Variants in FGF14 observed in about 807,000 individuals in gnomAD.
FGF14 encodes fibroblast growth factor homologous factor 4.
FGF14 carries 5 observed loss-of-function variants against 25.5 expected under a neutral mutation model. The observed-to-expected ratio is 0.20, with a 90% CI of 0.10 to 0.41. The LOEUF (loss-of-function observed/expected upper bound fraction) is 0.41, where lower values mean the gene tolerates loss of function less well. Among genes scored for constraint, FGF14 ranks in the 10% least tolerant of loss-of-function variants. The probability of loss-of-function intolerance (pLI) is 1.00; values close to 1 mark genes in which losing one functional copy is unlikely to be tolerated. For synonymous variants in FGF14, 138 were observed against 118.3 expected (o/e 1.17, Z -1.08); for missense variants, 222 against 320.1 (o/e 0.69, Z 2.34).
chr13:101,897,445 C>G (rs1184048774), intron 1 of FGF14, among the ~76,000 whole-genome samples: 1 of 152,166 alleles, frequency 6.6e-6, no homozygotes, highest in African/African-American at 2.4e-5. Flanking sequence ...GAGAAGAATA[C>G]TCAGATTTCT....
chr13:102,391,468 T>G (rs983731771), intron 1 of FGF14, among the ~76,000 whole-genome samples: 1 of 152,198 alleles, frequency 6.6e-6, no homozygotes, highest in Non-Finnish European at 1.5e-5. Flanking sequence ...GAGATAATAA[T>G]AAGCAATAAT....
chr13:102,205,495 G>A (rs2049864461), intron 1 of FGF14, among the ~76,000 whole-genome samples: 1 of 152,048 alleles, frequency 6.6e-6, no homozygotes, highest in African/African-American at 2.4e-5. Context: ...ACATGTCATA[G>A]ATATTGTGCT....
At chr13:101,741,437 A>G (rs1438714456) in intron 3 of FGF14, among the ~76,000 whole-genome samples, 4 of 152,194 alleles carry the variant, frequency 2.6e-5, no homozygotes, top group Admixed American at 2.0e-4. Context: ...TTATTTCCAT[A>G]GGAAACCATT....
At chr13:101,851,674 C>T (rs1010171124) in intron 3 of FGF14, among the ~76,000 whole-genome samples, 1 of 152,112 alleles carries the variant, frequency 6.6e-6, no homozygotes, top group African/African-American at 2.4e-5. Context: ...TTTCTCTCCT[C>T]CTCCTCGTCG....
chr13:102,244,837 T>TG (rs1162919174), intron 1 of FGF14, among the ~76,000 whole-genome samples: 1 of 152,032 alleles, frequency 6.6e-6, no homozygotes, highest in Non-Finnish European at 1.5e-5. Flanking sequence ...AAGAACCACA[T>TG]GTTTCTGTTA....
intron 1 of FGF14, among the ~76,000 whole-genome samples, chr13:102,063,382 A>G (rs1352624908): frequency 1.3e-5 from 2 of 152,206 alleles, no homozygotes; most frequent in Non-Finnish European, 2.9e-5. Flanking sequence ...TGAGAGGCCA[A>G]GATGGGCAGA....
chr13:102,070,717 T>C (rs573862867), intron 1 of FGF14, among the ~76,000 whole-genome samples: 2 of 152,348 alleles, frequency 1.3e-5, no homozygotes. Context: ...GGAATTGAAC[T>C]AAACCAGTGA....
rs368293382 is a variant in FGF14 at position 101,916,366 on chromosome 13, C to A, written c.193+87G>T. ...CGGGGCCGGGGTGGGCCGGGAAAACCGAGGGAGGGAAGGAGCCTGGAGAAG... is the reference window on the plus strand; with the variant it reads ...CGGGGCCGGGGTGGGCCGGGAAAACAGAGGGAGGGAAGGAGCCTGGAGAAG... On this transcript the variant is annotated intron_variant, in intron 1 of 4. Transcript: ENST00000376143. 1.6e-5 allele frequency: 24 copies of A among 1,525,636 alleles called. No individual in the cohort carries two copies. The African/African-American group carries it at 1.8e-4, about 11-fold the overall frequency. The allele number at this position is 1,525,636 out of a possible 1,614,324, so 94.5% of individuals were successfully genotyped here. A position where few individuals can be genotyped will look rare whatever the true frequency, so the allele number is the denominator to read the frequency against.
At chr13:102,349,487 T>C (rs1261876158) in intron 1 of FGF14, among the ~76,000 whole-genome samples, 3 of 152,238 alleles carry the variant, frequency 2.0e-5, no homozygotes, top group Admixed American at 6.5e-5. Flanking sequence ...TGTCATGTTA[T>C]TAGCAGTCAT....
At chr13:101,975,167 G>T (rs138299420) in intron 1 of FGF14, among the ~76,000 whole-genome samples, 2,066 of 152,134 alleles carry the variant, frequency 0.014, 59 homozygotes, top group African/African-American at 0.047. Flanking sequence ...ACAGACAGAA[G>T]CCCAAACTCC....
intron 1 of FGF14, among the ~76,000 whole-genome samples, chr13:101,946,476 ATTAT>A (rs1216592603): frequency 1.3e-5 from 2 of 152,042 alleles, no homozygotes; most frequent in Non-Finnish European, 2.9e-5. Flanking sequence ...AAGAAAATGT[ATTAT>A]TTAACATGTA....
chr13:102,019,560 T>C (rs138403796), intron 1 of FGF14, among the ~76,000 whole-genome samples: 96 of 152,280 alleles, frequency 6.3e-4, no homozygotes, highest in African/African-American at 2.1e-3. Context: ...TAAATTCCCA[T>C]AAGCAGTAAG....
chr13:102,082,035 C>G (rs982326837), intron 1 of FGF14, among the ~76,000 whole-genome samples: 2 of 152,008 alleles, frequency 1.3e-5, no homozygotes, highest in Admixed American at 1.3e-4. Flanking sequence ...AATTCCATAT[C>G]AGGATGTTAT....
intron 1 of FGF14, among the ~76,000 whole-genome samples, chr13:102,255,444 A>G (rs187281135): frequency 1.3e-5 from 2 of 152,354 alleles, no homozygotes; most frequent in Admixed American, 1.3e-4. Context: ...AAAGAAATAA[A>G]GCAGATGAGA....
intron 1 of FGF14, among the ~76,000 whole-genome samples, chr13:101,959,007 A>ACC (rs2036676742): frequency 1.3e-5 from 2 of 151,910 alleles, no homozygotes; most frequent in South Asian, 4.2e-4. Context: ...ACACCTCCCC[A>ACC]CCCCTTAGAC....
chr13:102,381,931 A>C (rs934827048), intron 1 of FGF14, among the ~76,000 whole-genome samples: 1 of 152,206 alleles, frequency 6.6e-6, no homozygotes, highest in Non-Finnish European at 1.5e-5. Context: ...TCCTTGAAAA[A>C]TTAGATGTCT....
chr13:102,252,059 C>T (rs867105822), intron 1 of FGF14, among the ~76,000 whole-genome samples: 5 of 152,078 alleles, frequency 3.3e-5, no homozygotes, highest in East Asian at 1.9e-4. Flanking sequence ...TATATCGATG[C>T]GGCTAATCTA....
chr13:102,399,204 T>C lies in FGF14; in HGVS notation c.208+2267A>G, dbSNP rs144862522. On this transcript the variant is annotated intron_variant, in intron 1 of 4. Transcript: ENST00000376131. The stretch of plus-strand genomic sequence containing the variant: ...TGTGACTCGTGTATAGGGAGAAATT[T>C]AGTGTTTCCGGTAAAATTGTTTACA... 6.5e-3 allele frequency among the ~76,000 whole-genome samples: 987 copies of C among 152,220 alleles called. 10 individuals carry two copies. The highest frequency in any genetic ancestry group is 0.023 in the African/African-American group (935 of 41,526).
At chr13:102,100,584 C>T (rs908588347) in intron 1 of FGF14, among the ~76,000 whole-genome samples, 2 of 152,170 alleles carry the variant, frequency 1.3e-5, no homozygotes, top group African/African-American at 4.8e-5. Flanking sequence ...TAACAAGCTG[C>T]TTGCTACTTG....
Sources: allele counts gnomAD v4.1 joint callset (sites outside exome capture counted in the v4.1 genomes callset), GRCh38; gene constraint gnomAD v4.1.1; transcripts MANE v1.5; gene names NCBI Gene and HGNC (gene_info 2026-07-23, HGNC 2026-07-21).